Variants in TMEM68 observed in about 807,000 individuals in gnomAD.
TMEM68 encodes transmembrane protein 68.
A neutral mutation model predicts 36.9 loss-of-function variants in TMEM68; 25 were observed. The ratio of observed to expected loss-of-function variants is 0.68; its 90% CI spans 0.49 to 0.95. The LOEUF (loss-of-function observed/expected upper bound fraction) is 0.95, where lower values mean the gene tolerates loss of function less well. TMEM68 is among the 40% of genes least tolerant of loss of function. The pLI is 0.00. For missense variants in TMEM68, 333 were observed against 392.0 expected (o/e 0.85, Z 1.27); for synonymous variants, 131 against 124.4 (o/e 1.05, Z -0.35).
intron 3 of TMEM68, among the ~76,000 whole-genome samples, chr8:55,758,318 T>C (rs997323615): frequency 6.6e-6 from 1 of 152,202 alleles, no homozygotes; most frequent in African/African-American, 2.4e-5. Context: ...AGATTCTTAG[T>C]CATAAATCCT....
At chr8:55,758,304 T>G (rs747501755) in intron 3 of TMEM68, among the ~76,000 whole-genome samples, 15 of 152,212 alleles carry the variant, frequency 9.9e-5, no homozygotes, top group Non-Finnish European at 2.1e-4. Flanking sequence ...ACCAATGGCC[T>G]GACAGATTCT....
At chr8:55,746,920 T>C (rs556435259) in intron 5 of TMEM68, 17 of 152,240 alleles carry the variant, frequency 1.1e-4, no homozygotes, top group Admixed American at 3.9e-4. Flanking sequence ...GAAAGTGAGA[T>C]GGAGGAATTA....
intron 3 of TMEM68, 53 bp from the exon 4 acceptor site, chr8:55,756,464 C>T (rs925516678): frequency 1.4e-6 from 2 of 1,480,216 alleles, no homozygotes; most frequent in African/African-American, 1.4e-5. Flanking sequence ...AATTCGTTTA[C>T]AGTAAAGGAT....
intron 5 of TMEM68, among the ~76,000 whole-genome samples, chr8:55,748,992 C>G (rs1810361109): frequency 6.6e-6 from 1 of 152,178 alleles, no homozygotes; most frequent in Non-Finnish European, 1.5e-5. Flanking sequence ...ATGTTTAAGC[C>G]TCACTTTCTT....
At chr8:55,755,260 C>T (rs1008909152) in intron 4 of TMEM68, among the ~76,000 whole-genome samples, 1 of 151,128 alleles carries the variant, frequency 6.6e-6, no homozygotes, top group South Asian at 2.1e-4. Flanking sequence ...TACATGAAGA[C>T]AAAATATATC....
chr8:55,740,315 T>C, intron 7 of TMEM68, 97 bp from the exon 8 acceptor site: 1 of 844,498 alleles, frequency 1.2e-6, no homozygotes, highest in Non-Finnish European at 1.9e-6. Context: ...TCCTTCTCAG[T>C]ACACCTGAAG....
chr8:55,742,290 A>G (rs919955808), intron 7 of TMEM68, among the ~76,000 whole-genome samples: 1 of 152,196 alleles, frequency 6.6e-6, no homozygotes, highest in Non-Finnish European at 1.5e-5. Context: ...GTTTTGCAAG[A>G]TGAAAAAATT....
At position 55,762,727 on chromosome 8, in the gene TMEM68, T is replaced by C. The variant is rs906165410; in HGVS notation, c.233A>G (p.Asn78Ser). Residue 78 changes from asparagine to serine, a missense_variant, in exon 3 of 8, where the codon AAT (asparagine) becomes AGT (serine). Asn to Ser is a conservative substitution (Grantham distance 46). Coordinates refer to ENST00000434581, the MANE Select transcript of TMEM68 (RefSeq NM_001286657.2). ...IIFLHIYKRK[N>S]VLKEAYSHNL... ...ATGAGAGTAGGCTTCTTTCAATACA[T>C]TCTTTCTCTTATAAATGTGTAAGAA... 1 of 1,614,084 alleles carries C rather than the reference T, an allele frequency of 6.2e-7. No individual in the cohort carries two copies. Among genetic ancestry groups the C allele is most frequent in the Non-Finnish European group, 8.5e-7 (1 of 1,179,978 alleles).
chr8:55,743,675 CTG>C, intron 6 of TMEM68, 55 bp from the exon 7 acceptor site: 1 of 1,455,000 alleles, frequency 6.9e-7, no homozygotes, highest in Non-Finnish European at 9.1e-7. Flanking sequence ...GACCATGTAA[CTG>C]TAAACTTTCA....
Position 55,751,012 on chromosome 8 carries a change from T to G in TMEM68, c.639A>C (p.Val213=). Residue 213 remains valine, a synonymous_variant, in exon 5 of 8, where the codon GTA becomes GTC. Coordinates refer to ENST00000434581, the MANE Select transcript of TMEM68 (RefSeq NM_001286657.2). ...GAGCAAAGCCTCTGCGATGACCCCA[T>G]ACGATGTTATAAGTTTCATCACTAA... The part of the protein sequence containing the change: ...ALISDETYNI[V]WGHRRGFAQV... 1 of 1,613,990 alleles carries G rather than the reference T, an allele frequency of 6.2e-7. No individual in the cohort carries two copies.
At chr8:55,743,355 C>G in intron 7 of TMEM68, 126 bp downstream of exon 7, 1 of 1,217,088 alleles carries the variant, frequency 8.2e-7, no homozygotes, top group Non-Finnish European at 1.1e-6. Context: ...GGTATACAAT[C>G]ACCTCTGGTT....
chr8:55,759,200 G>T (rs1296583997), intron 3 of TMEM68, among the ~76,000 whole-genome samples: 1 of 146,828 alleles, frequency 6.8e-6, no homozygotes, highest in East Asian at 2.0e-4. Flanking sequence ...CAGGAGGATT[G>T]CTTGAGGCTA....
intron 1 of TMEM68, among the ~76,000 whole-genome samples, chr8:55,770,410 C>G (rs1187549962): frequency 6.6e-6 from 1 of 152,186 alleles, no homozygotes; most frequent in Non-Finnish European, 1.5e-5. Context: ...CAGGGTGGCT[C>G]ACGCCTGTGA....
chr8:55,750,398 A>C (rs1810395241), intron 5 of TMEM68, among the ~76,000 whole-genome samples: 1 of 152,260 alleles, frequency 6.6e-6, no homozygotes, highest in African/African-American at 2.4e-5. Context: ...TCAGAATTAA[A>C]ATAAACAGAA....
chr8:55,756,559 CTT>C, intron 3 of TMEM68, 148 bp from the exon 4 acceptor site: 1 of 692,176 alleles, frequency 1.4e-6, no homozygotes, highest in Non-Finnish European at 2.2e-6. Context: ...TCTCTTTCCT[CTT>C]CTCTTTCTTT....
chr8:55,757,044 A>G (rs1810628395), intron 3 of TMEM68, among the ~76,000 whole-genome samples: 1 of 152,200 alleles, frequency 6.6e-6, no homozygotes, highest in African/African-American at 2.4e-5. Flanking sequence ...GAGTCAACAT[A>G]GTAAGAATAA....
chr8:55,742,244 G>C (rs1394094332), intron 7 of TMEM68, among the ~76,000 whole-genome samples: 1 of 152,138 alleles, frequency 6.6e-6, no homozygotes, highest in Admixed American at 6.5e-5. Flanking sequence ...CTGGAGGAAG[G>C]GGAAATGGGA....
chr8:55,740,283 T>C (rs1810060228), intron 7 of TMEM68, 65 bp from the exon 8 acceptor site: 2 of 1,180,040 alleles, frequency 1.7e-6, no homozygotes, highest in Non-Finnish European at 2.5e-6. Context: ...TTATCTCCCA[T>C]TACCCCTCAG....
intron 1 of TMEM68, among the ~76,000 whole-genome samples, chr8:55,768,876 C>T (rs1811057675): frequency 6.6e-6 from 1 of 151,236 alleles, no homozygotes; most frequent in South Asian, 2.1e-4. Flanking sequence ...ATTAGCCGGG[C>T]ATGGTGACAT....
Sources: allele counts gnomAD v4.1 joint callset (sites outside exome capture counted in the v4.1 genomes callset), GRCh38; gene constraint gnomAD v4.1.1; transcripts MANE v1.5; gene names NCBI Gene and HGNC (gene_info 2026-07-23, HGNC 2026-07-21).